DMD: variants seen among roughly 807,000 people sequenced by gnomAD.
DMD encodes the protein dystrophin.
A neutral mutation model predicts 330.1 loss-of-function variants in DMD; 63 were observed. The ratio of observed to expected loss-of-function variants is 0.19; its 90% CI spans 0.16 to 0.24. The LOEUF is 0.24. DMD is among the 10% of genes least tolerant of loss of function. The pLI is 1.00. For missense variants in DMD, 3,344 were observed against 2,684.1 expected (o/e 1.25, Z -5.43); for synonymous variants, 1,223 against 959.8 (o/e 1.27, Z -5.07).
At chrX:32,499,309 T>C (rs1323775311) in intron 19 of DMD, among the ~76,000 whole-genome samples, 2 of 112,159 alleles carry the variant, frequency 1.8e-5, no homozygotes, top group South Asian at 3.6e-4. Flanking sequence ...GCTATACTTA[T>C]GCTATTCTAC....
chrX:31,885,047 T>G (rs2149724825), intron 47 of DMD, among the ~76,000 whole-genome samples: 1 of 111,686 alleles, frequency 9.0e-6, no homozygotes, highest in Non-Finnish European at 1.9e-5. Context: ...AAATTACTAT[T>G]ATAACTTAGG....
At chrX:32,271,914 C>T (rs1195113682) in intron 43 of DMD, among the ~76,000 whole-genome samples, 1 of 111,566 alleles carries the variant, frequency 9.0e-6, no homozygotes, top group African/African-American at 3.3e-5. Context: ...ATTCTGTTAA[C>T]CAAAGAGTTT....
intron 30 of DMD, among the ~76,000 whole-genome samples, chrX:32,408,197 T>C (rs370509313): frequency 8.9e-6 from 1 of 111,886 alleles, no homozygotes; most frequent in Non-Finnish European, 1.9e-5. Context: ...TGCTGTTACA[T>C]CCTGGCAGCA....
chrX:32,584,749 T>C (rs942273836), intron 13 of DMD, among the ~76,000 whole-genome samples: 5 of 112,069 alleles, frequency 4.5e-5, no homozygotes, highest in Admixed American at 9.5e-5. Flanking sequence ...AGATACATGT[T>C]ACCTTTGAGG....
intron 61 of DMD, among the ~76,000 whole-genome samples, chrX:31,341,919 A>ACACG (rs777142546): frequency 9.1e-6 from 1 of 109,382 alleles, no homozygotes. Flanking sequence ...ACACACACAC[A>ACACG]CGCATGTACA....
At chrX:32,101,389 G>C (rs2096538971) in intron 44 of DMD, among the ~76,000 whole-genome samples, 2 of 110,964 alleles carry the variant, frequency 1.8e-5, no homozygotes, top group Admixed American at 1.9e-4. Flanking sequence ...CCTCACACAG[G>C]GAAAAGTCAT....
intron 41 of DMD, among the ~76,000 whole-genome samples, chrX:32,315,391 G>C (rs1469280656): frequency 6.3e-5 from 7 of 110,693 alleles, no homozygotes; most frequent in Admixed American, 9.6e-5. Flanking sequence ...GGGAGGGATA[G>C]CATTAGGAGA....
intron 1 of DMD, among the ~76,000 whole-genome samples, chrX:33,223,674 T>C (rs1235425529): frequency 8.9e-6 from 1 of 112,284 alleles, no homozygotes; most frequent in African/African-American, 3.2e-5. Context: ...GGTCTGGTGA[T>C]GACTTTTTAG....
intron 30 of DMD, among the ~76,000 whole-genome samples, chrX:32,397,230 T>C (rs1054561045): frequency 9.0e-6 from 1 of 111,685 alleles, no homozygotes; most frequent in African/African-American, 3.2e-5. Flanking sequence ...TTTCACCTAA[T>C]ATATACATCT....
intron 44 of DMD, among the ~76,000 whole-genome samples, chrX:32,150,308 C>A (rs1270035723): frequency 8.9e-6 from 1 of 112,411 alleles, no homozygotes; most frequent in Admixed American, 9.4e-5. Context: ...CTCACTGGCA[C>A]TCTCTTGTTG....
chrX:32,125,380 A>T (rs1036446656), intron 44 of DMD, among the ~76,000 whole-genome samples: 1 of 111,831 alleles, frequency 8.9e-6, no homozygotes, highest in Admixed American at 9.5e-5. Flanking sequence ...GGCTTGCTTA[A>T]CTGGATAGTG....
At chrX:32,719,553 A>G (rs114797254) in intron 7 of DMD, among the ~76,000 whole-genome samples, 8,488 of 111,514 alleles carry the variant, frequency 0.076, 790 homozygotes, top group African/African-American at 0.26. Context: ...TGATTATGTT[A>G]ATATGCATTT....
intron 1 of DMD, among the ~76,000 whole-genome samples, chrX:33,338,747 T>C (rs2054292779): frequency 9.0e-6 from 1 of 111,402 alleles, no homozygotes; most frequent in Admixed American, 9.6e-5. Context: ...ACTGAATAAA[T>C]GTCAAAAGCT....
intron 27 of DMD, among the ~76,000 whole-genome samples, chrX:32,443,317 G>T (rs1450437852): frequency 9.0e-6 from 1 of 110,552 alleles, no homozygotes; most frequent in Non-Finnish European, 1.9e-5. Context: ...TCACCTGCTT[G>T]GCAAACGTAC....
At position 32,464,714 on chromosome X, in the gene DMD, G is replaced by A. The variant is rs370026811; in HGVS notation, c.3163-15C>T. The A allele has an allele frequency of 5.3e-5, 57 of 1,079,310 alleles. No homozygotes were observed. Among genetic ancestry groups the A allele is most frequent in the Non-Finnish European group, 7.0e-5 (54 of 775,214 alleles). 88.9% of individuals were successfully genotyped at this position (1,079,310 alleles called of 1,213,427 possible). A position where few individuals can be genotyped will look rare whatever the true frequency, so the allele number is the denominator to read the frequency against. On this transcript the variant is annotated splice_polypyrimidine_tract_variant and intron_variant, in intron 23 of 78. Coordinates refer to ENST00000357033, the MANE Select transcript of DMD (RefSeq NM_004006.3). ...TGTATGTGATTCTGAAACGAGACCC[G>A]TTATAAGGCATTACTGGTGTGCTGA...
At chrX:31,905,471 A>G (rs1204552199) in intron 47 of DMD, among the ~76,000 whole-genome samples, 1 of 111,514 alleles carries the variant, frequency 9.0e-6, no homozygotes, top group Admixed American at 9.6e-5. Context: ...GTTTATTAAA[A>G]CATATTAAAG....
At chrX:32,319,909 T>C (rs190712963) in intron 41 of DMD, among the ~76,000 whole-genome samples, 176 of 110,803 alleles carry the variant, frequency 1.6e-3, no homozygotes, top group African/African-American at 5.5e-3. Flanking sequence ...ACATATCTAG[T>C]ATATATTTTT....
chrX:31,436,522 G>GT (rs1317281783), intron 60 of DMD, among the ~76,000 whole-genome samples: 3 of 110,498 alleles, frequency 2.7e-5, no homozygotes, highest in African/African-American at 9.9e-5. Context: ...TTCTCCTAGG[G>GT]TGAGAAAGAC....
At chrX:31,703,751 G>A (rs1333445058) in intron 52 of DMD, among the ~76,000 whole-genome samples, 1 of 111,610 alleles carries the variant, frequency 9.0e-6, no homozygotes, top group Non-Finnish European at 1.9e-5. Flanking sequence ...AGGGGAAGAT[G>A]AGGAAATGAA....
Sources: allele counts gnomAD v4.1 joint callset (sites outside exome capture counted in the v4.1 genomes callset), GRCh38; gene constraint gnomAD v4.1.1; transcripts MANE v1.5; gene names NCBI Gene and HGNC (gene_info 2026-07-23, HGNC 2026-07-21).